PTPRD: variants seen among roughly 807,000 people sequenced by gnomAD.
PTPRD encodes the protein protein tyrosine phosphatase receptor type D.
PTPRD carries 34 observed loss-of-function variants against 214.5 expected under a neutral mutation model. That is an observed-to-expected ratio of 0.16 (90% confidence interval 0.12 to 0.21). The LOEUF is 0.21. PTPRD is among the 10% of genes least tolerant of loss of function. The pLI, the probability that PTPRD is intolerant of heterozygous loss-of-function variation, is 1.00. For synonymous variants in PTPRD, 1,128 were observed against 845.7 expected (o/e 1.33, Z -5.79); for missense variants, 2,545 against 2,398.7 (o/e 1.06, Z -1.27).
chr9:9,744,649 A>G (rs988331231), intron 6 of PTPRD, among the ~76,000 whole-genome samples: 8 of 152,084 alleles, frequency 5.3e-5, no homozygotes, highest in Admixed American at 2.6e-4. Flanking sequence ...TGAAATATAC[A>G]TATACATAAA....
At chr9:9,736,489 A>G (rs949927867) in intron 6 of PTPRD, among the ~76,000 whole-genome samples, 2 of 152,078 alleles carry the variant, frequency 1.3e-5, no homozygotes, top group Non-Finnish European at 2.9e-5. Flanking sequence ...TTACCCTACC[A>G]TAAGCATCCT....
intron 11 of PTPRD, among the ~76,000 whole-genome samples, chr9:8,898,275 A>C (rs1236529915): frequency 6.6e-6 from 1 of 150,666 alleles, no homozygotes; most frequent in Admixed American, 6.6e-5. Context: ...TTTTTCTTTT[A>C]AAATAACTAT....
At chr9:10,019,113 G>A (rs10809011) in intron 4 of PTPRD, among the ~76,000 whole-genome samples, 38,318 of 151,942 alleles carry the variant, frequency 0.25, 5,714 homozygotes, top group Middle Eastern at 0.37. Context: ...AAAAGTGGGC[G>A]AAAGATATGA....
intron 5 of PTPRD, among the ~76,000 whole-genome samples, chr9:9,822,552 A>C (rs1211758624): frequency 6.7e-6 from 1 of 149,128 alleles, no homozygotes; most frequent in Non-Finnish European, 1.5e-5. Flanking sequence ...AACCAACTAC[A>C]AATAGTATCA....
At position 8,408,762 on chromosome 9, in the gene PTPRD, ACTC is replaced by A. The variant is rs2093269705; in HGVS notation, c.4087-4105_4087-4103del. Among the ~76,000 whole-genome samples, 5 of 151,800 alleles carry A rather than the reference ACTC, an allele frequency of 3.3e-5. No homozygotes were observed. The South Asian group carries it at 1.0e-3, about 32-fold the overall frequency. ...TCCCTGCCTGCACACTGGGCACTTG[ACTC>A]CTCCTCCCCACCGCAGCTTTTGACT... On this transcript the variant is annotated intron_variant, in intron 35 of 45. Transcript: ENST00000381196.
At chr9:9,838,217 T>C (rs1321381080) in intron 5 of PTPRD, among the ~76,000 whole-genome samples, 12 of 152,234 alleles carry the variant, frequency 7.9e-5, no homozygotes, top group East Asian at 1.9e-4. Context: ...TGAATAGTGC[T>C]GCAATAAACA....
intron 5 of PTPRD, among the ~76,000 whole-genome samples, chr9:9,884,816 G>T (rs1015956370): frequency 6.6e-6 from 1 of 152,086 alleles, no homozygotes; most frequent in African/African-American, 2.4e-5. Flanking sequence ...CCTTGCCGCT[G>T]CCATGTGAAG....
At chr9:8,666,416 T>C (rs2097171506) in intron 12 of PTPRD, among the ~76,000 whole-genome samples, 1 of 152,042 alleles carries the variant, frequency 6.6e-6, no homozygotes, top group Non-Finnish European at 1.5e-5. Context: ...AAATCTTATG[T>C]GAAAGGGAAA....
intron 3 of PTPRD, among the ~76,000 whole-genome samples, chr9:10,057,995 T>G (rs428721): frequency 0.45 from 68,062 of 151,940 alleles, 17,857 homozygotes; most frequent in African/African-American, 0.74. Context: ...GGGTAACACG[T>G]AAGATGATTG....
chr9:9,105,977 C>T (rs572443019), intron 10 of PTPRD, among the ~76,000 whole-genome samples: 1 of 151,958 alleles, frequency 6.6e-6, no homozygotes, highest in African/African-American at 2.4e-5. Context: ...CTCTGTAGAC[C>T]TGCAGGGTCT....
At chr9:10,181,942 TA>T (rs3075573) in intron 3 of PTPRD, among the ~76,000 whole-genome samples, 8,838 of 38,444 alleles carry the variant, frequency 0.23, 722 homozygotes, top group African/African-American at 0.44. Flanking sequence ...TCATAAATAC[TA>T]AAAAAAAAAA....
chr9:8,366,585 C>T (rs2079938344), intron 39 of PTPRD, among the ~76,000 whole-genome samples: 1 of 152,166 alleles, frequency 6.6e-6, no homozygotes, highest in African/African-American at 2.4e-5. Context: ...TCTGAACCCT[C>T]AAAAATCAAA....
intron 3 of PTPRD, among the ~76,000 whole-genome samples, chr9:10,327,104 T>G (rs974283151): frequency 6.6e-6 from 1 of 150,398 alleles, no homozygotes; most frequent in Non-Finnish European, 1.5e-5. Flanking sequence ...ACATATATCA[T>G]GTACATTACA....
intron 2 of PTPRD, among the ~76,000 whole-genome samples, chr9:10,504,520 G>C (rs986194852): frequency 1.4e-4 from 22 of 152,082 alleles, no homozygotes; most frequent in Non-Finnish European, 3.1e-4. Context: ...AAAGATAAGA[G>C]CTTGGAAGCA....
chr9:8,842,806 G>A (rs536678145), intron 11 of PTPRD, among the ~76,000 whole-genome samples: 30 of 152,326 alleles, frequency 2.0e-4, no homozygotes, highest in Non-Finnish European at 3.8e-4. Context: ...CAAAAGAGCA[G>A]GAGGAAAGAT....
chr9:8,752,551 T>C (rs547915248), intron 11 of PTPRD, among the ~76,000 whole-genome samples: 1 of 152,286 alleles, frequency 6.6e-6, no homozygotes, highest in East Asian at 1.9e-4. Flanking sequence ...CACTTTACTC[T>C]ATGGACTCGC....
intron 2 of PTPRD, among the ~76,000 whole-genome samples, chr9:10,560,246 A>G (rs985445964): frequency 2.0e-5 from 3 of 152,216 alleles, no homozygotes; most frequent in Admixed American, 6.5e-5. Context: ...TGATGAGTTC[A>G]TGTCCTTTGT....
intron 8 of PTPRD, among the ~76,000 whole-genome samples, chr9:9,440,620 C>T (rs2087239262): frequency 6.6e-6 from 1 of 152,224 alleles, no homozygotes; most frequent in Non-Finnish European, 1.5e-5. Context: ...TCAGCAGTAT[C>T]TATTTACCGA....
chr9:9,223,871 A>G (rs2099957738), intron 9 of PTPRD, among the ~76,000 whole-genome samples: 1 of 152,010 alleles, frequency 6.6e-6, no homozygotes. Context: ...TTTATTCCCT[A>G]AATGTCCAGT....
Sources: gnomAD v4.1 joint callset for allele counts (sites outside exome capture counted in the v4.1 genomes callset) on GRCh38, gnomAD v4.1.1 for gene constraint, MANE v1.5 for transcripts, NCBI Gene and HGNC (gene_info 2026-07-23, HGNC 2026-07-21) for gene names.